Variants in DRP2 observed in about 807,000 individuals in gnomAD.
DRP2 encodes the protein dystrophin related protein 2.
Under a neutral mutation model 78.2 loss-of-function variants are expected in DRP2, and 29 were observed. The observed-to-expected ratio is 0.37, with a 90% CI of 0.28 to 0.51. The LOEUF is 0.51. DRP2 is among the 20% of genes least tolerant of loss of function. DRP2 has a pLI of 0.94. For synonymous variants in DRP2, 290 were observed against 281.9 expected, an observed-to-expected ratio of 1.03 and a Z score of -0.29; for missense variants, 686 against 770.6, an observed-to-expected ratio of 0.89 and a Z score of 1.30.
At chrX:101,237,473 T>A (rs932890762) in intron 4 of DRP2, 146 bp from the exon 5 acceptor site, 4 of 582,442 alleles carry the variant, frequency 6.9e-6, no homozygotes, top group Non-Finnish European at 9.5e-6. Context: ...GAGGGAGGAC[T>A]CCAGGCCTCC....
At chrX:101,250,375 G>A (rs1224431575) in intron 14 of DRP2, 48 bp from the exon 15 acceptor site, 3 of 1,207,849 alleles carry the variant, frequency 2.5e-6, no homozygotes, top group Non-Finnish European at 3.4e-6. Flanking sequence ...ACCATTCTCC[G>A]GCCATTCCTG....
chrX:101,238,047 A>G (rs2147337957), intron 5 of DRP2, among the ~76,000 whole-genome samples: 1 of 112,042 alleles, frequency 8.9e-6, no homozygotes, highest in Non-Finnish European at 1.9e-5. Flanking sequence ...AAGTGAAAAA[A>G]CACAGGATAC....
chrX:101,247,206 T>C (rs1922964078), intron 12 of DRP2, 42 bp downstream of exon 12: 2 of 1,102,494 alleles, frequency 1.8e-6, no homozygotes, highest in Non-Finnish European at 2.5e-6. Flanking sequence ...TCACCACCCC[T>C]CTCCTGTTCC....
intron 2 of DRP2, among the ~76,000 whole-genome samples, chrX:101,225,705 C>T (rs369675823): frequency 1.1e-4 from 12 of 110,805 alleles, no homozygotes; most frequent in African/African-American, 3.6e-4. Context: ...GGAGAGGGGG[C>T]GAAGAATTAG....
chrX:101,256,101 T>C lies in DRP2; in HGVS notation c.2247-17T>C. On this transcript the variant is annotated splice_polypyrimidine_tract_variant and intron_variant, in intron 20 of 23. Transcript: ENST00000395209. ...CAACAACTGGTCACCTACTCTGCTT[T>C]CCCCACACCCATGCAGAGACGAGGA... is the stretch of plus-strand genomic sequence containing the variant. 10 of 1,150,299 alleles carry C rather than the reference T, an allele frequency of 8.7e-6. No individual in the cohort carries two copies. The highest frequency in any genetic ancestry group is 1.2e-5 in the Non-Finnish European group (10 of 867,001). 94.8% of individuals were successfully genotyped at this position (1,150,299 alleles called of 1,213,427 possible).
At chrX:101,244,717 G>A (rs1013386074) in intron 9 of DRP2, among the ~76,000 whole-genome samples, 4 of 112,540 alleles carry the variant, frequency 3.6e-5, no homozygotes, top group African/African-American at 9.7e-5. Context: ...GTCTGCTCAG[G>A]GAGAAGATTG....
At chrX:101,221,660 C>G (rs1382379477) in intron 1 of DRP2, among the ~76,000 whole-genome samples, 2 of 112,098 alleles carry the variant, frequency 1.8e-5, no homozygotes, top group African/African-American at 6.5e-5. Flanking sequence ...TCAAGTCCAC[C>G]ATAAAGGAGG....
intron 6 of DRP2, 147 bp downstream of exon 6, chrX:101,239,248 GAAGCAAGATTCCTACTGCAGGAAAAA>G: frequency 1.3e-6 from 1 of 779,527 alleles, no homozygotes. Context: ...AAGTTGGGGG[GAAGCAAGATTCCTACTGCAGGAAAAA>G]AAGCAAAGAG....
chrX:101,227,190 C>T (rs148540902), intron 2 of DRP2, among the ~76,000 whole-genome samples: 1,309 of 112,131 alleles, frequency 0.012, 8 homozygotes, highest in Middle Eastern at 0.088. Flanking sequence ...GCTCTCAATA[C>T]TGTCACATTG....
At chrX:101,245,525 A>T in intron 11 of DRP2, 76 bp downstream of exon 11, 1 of 836,634 alleles carries the variant, frequency 1.2e-6, no homozygotes, top group Admixed American at 3.0e-5. Flanking sequence ...TCTACAGATG[A>T]ATGGATAAAG....
rs1316308008 is a variant in DRP2 at position 101,264,046 on chromosome X, A to T, written c.*3425A>T. On this transcript the variant is annotated 3_prime_UTR_variant, in exon 24 of 24. Coordinates refer to ENST00000395209, the MANE Select transcript of DRP2 (RefSeq NM_001939.3). ...CTTAACTCGAACAGTTCTGGGAAAA[A>T]AACTGGGGGCCTTGTCCTGAGGCTG... The T allele has an allele frequency of 8.9e-6, 1 of 112,228 alleles. No homozygotes were observed. Among genetic ancestry groups the T allele is most frequent in the East Asian group, 2.8e-4 (1 of 3,586 alleles). 9.2% of individuals were successfully genotyped at this position (112,228 alleles called of 1,213,427 possible). A position where few individuals can be genotyped will look rare whatever the true frequency, so the allele number is the denominator to read the frequency against.
In DRP2 at chrX:101,248,082, T is replaced by C. The variant is rs182697699; in HGVS notation, c.1253-7T>C. The C allele has an allele frequency of 1.5e-5, 18 of 1,207,584 alleles. No individual in the cohort carries two copies. The Admixed American group carries it at 3.7e-4, about 25-fold the overall frequency. ...ATTTTTTTTCTCTTCTCTTCTTTCC[T>C]TACCAGTGGACCTGGTAACTTTAAC... On this transcript the variant is annotated splice_polypyrimidine_tract_variant and splice_region_variant and intron_variant, in intron 12 of 23. Transcript: ENST00000395209.
chrX:101,241,534 A>C (rs933428448), intron 6 of DRP2, 134 bp from the exon 7 acceptor site: 1 of 691,715 alleles, frequency 1.4e-6, no homozygotes, highest in African/African-American at 2.2e-5. Flanking sequence ...TTGTGTGTGT[A>C]TGAATATATA....
rs1181592457 is a variant in DRP2 at position 101,252,854 on chromosome X, G to C, written c.1977+138G>C. The stretch of plus-strand genomic sequence containing the variant: ...TCCAAGGAGCTCTGGTGATTCACTG[G>C]TTTGGGAAATTCAGGCCTCTCTATT... On this transcript the variant is annotated intron_variant, in intron 17 of 23. Transcript: ENST00000395209. 3.2e-5 allele frequency: 15 copies of C among 466,727 alleles called. No individual in the cohort carries two copies. In the South Asian group the frequency reaches 7.6e-4, roughly 24 times the overall value. The allele number at this position is 466,727 out of a possible 1,213,427, so 38.5% of individuals were successfully genotyped here.
chrX:101,238,911 A>C (rs1018627839), intron 5 of DRP2, 70 bp from the exon 6 acceptor site: 1 of 1,148,353 alleles, frequency 8.7e-7, no homozygotes, highest in Non-Finnish European at 1.2e-6. Context: ...AAGGTTGTCA[A>C]TTGCAGGATG....
In DRP2 at chrX:101,258,447, G is replaced by A. The variant is rs765662229; in HGVS notation, c.2529G>A (p.Arg843=). The A allele has an allele frequency of 7.5e-6, 9 of 1,202,840 alleles. No individual in the cohort carries two copies. The highest frequency in any genetic ancestry group is 1.8e-5 in the South Asian group (1 of 55,257). The change falls in exon 22 of 24, where the codon CGG becomes CGA. Residue 843 remains arginine (R), a synonymous_variant. Coordinates refer to ENST00000395209, the MANE Select transcript of DRP2 (RefSeq NM_001939.3). ...TTCTGGCCGAGGCCCGTATCCTTCG[G>A]CAACATAAGAGCCGCCTGGAGACGC... The part of the protein sequence containing the change: ...EELLAEARIL[R]QHKSRLETRM...
intron 1 of DRP2, among the ~76,000 whole-genome samples, chrX:101,224,009 G>A (rs1000216686): frequency 9.2e-6 from 1 of 109,068 alleles, no homozygotes; most frequent in East Asian, 2.9e-4. Flanking sequence ...GAAAGCCAGT[G>A]GTATGAGAGA....
rs1569509045 is a variant in DRP2 at position 101,245,056 on chromosome X, A to G, written c.1094A>G (p.Asn365Ser). 3 of 1,210,102 alleles carry G rather than the reference A, an allele frequency of 2.5e-6. No homozygotes were observed. The highest frequency in any genetic ancestry group is 3.4e-6 in the Non-Finnish European group (3 of 894,598). The change falls in exon 10 of 24, where the codon AAT becomes AGT. Residue 365 changes from asparagine (N) to serine (S), a missense_variant. By Grantham distance (46) the Asn-to-Ser change is conservative. Coordinates refer to ENST00000395209, the MANE Select transcript of DRP2 (RefSeq NM_001939.3). ...QVPWERAISPNKVPYYINHQA... is the reference protein window; with the variant it reads ...QVPWERAISPSKVPYYINHQA... ...CCCTGGGAAAGAGCAATTTCACCCA[A>G]TAAAGTTCCCTACTACATCAAGTGA...
chrX:101,254,662 A>T, intron 18 of DRP2, 101 bp downstream of exon 18: 6 of 1,141,789 alleles, frequency 5.3e-6, no homozygotes, highest in Non-Finnish European at 7.1e-6. Flanking sequence ...GAATGTTCCA[A>T]GGTAAATCCC....
Sources: gnomAD v4.1 joint callset for allele counts (sites outside exome capture counted in the v4.1 genomes callset) on GRCh38, gnomAD v4.1.1 for gene constraint, MANE v1.5 for transcripts, NCBI Gene and HGNC (gene_info 2026-07-23, HGNC 2026-07-21) for gene names.